Variants in GRB10 observed in about 807,000 individuals in gnomAD.
GRB10 encodes growth factor receptor-bound protein 10.
In GRB10, 20 loss-of-function variants were observed where a neutral mutation model predicts 80.9. The observed-to-expected ratio is 0.25, with a 90% CI of 0.17 to 0.36. GRB10 has a LOEUF of 0.36. Among genes scored for constraint, GRB10 ranks in the 10% least tolerant of loss-of-function variants. The pLI is 1.00. For missense variants in GRB10, 548 were observed against 747.7 expected (o/e 0.73, Z 3.12); for synonymous variants, 291 against 291.5 (o/e 1.00, Z 0.02).
intron 9 of GRB10, among the ~76,000 whole-genome samples, 169 bp from the exon 10 acceptor site, chr7:50,618,308 C>T (rs2153582318): frequency 6.6e-6 from 1 of 152,334 alleles, no homozygotes; most frequent in Non-Finnish European, 1.5e-5. Context: ...GAAACACCTC[C>T]TTCAAAAGGT....
chr7:50,773,463 GAAGGCA>G (rs2077222737), intron 2 of GRB10, among the ~76,000 whole-genome samples: 1 of 10,716 alleles, frequency 9.3e-5, no homozygotes, highest in South Asian at 4.0e-3. Flanking sequence ...GAGGGGAGGG[GAAGGCA>G]GGGGAGGGGA....
intron 18 of GRB10, among the ~76,000 whole-genome samples, chr7:50,595,142 C>T (rs1212479265): frequency 1.3e-5 from 2 of 152,278 alleles, no homozygotes; most frequent in Middle Eastern, 3.4e-3. Flanking sequence ...TTCTCCTCCA[C>T]CTCCCCTTCC....
intron 7 of GRB10, among the ~76,000 whole-genome samples, chr7:50,644,873 G>C (rs1292697626): frequency 1.3e-5 from 2 of 152,216 alleles, no homozygotes. Context: ...GGCTGGGTAT[G>C]GGATGGGCGG....
chr7:50,792,999 G>C (rs1258695032), intron 1 of GRB10: 4 of 140,804 alleles, frequency 2.8e-5, no homozygotes, highest in African/African-American at 5.1e-5. Flanking sequence ...CGCAGCCCCA[G>C]TCCCGCCTCC....
chr7:50,720,167 A>G (rs951129079), intron 4 of GRB10, among the ~76,000 whole-genome samples: 2 of 152,216 alleles, frequency 1.3e-5, no homozygotes, highest in African/African-American at 4.8e-5. Context: ...AAAACTAAAT[A>G]CAAGCTAAAT....
At chr7:50,710,772 C>T in intron 4 of GRB10, 1 of 1,296,880 alleles carries the variant, frequency 7.7e-7, no homozygotes, top group Non-Finnish European at 1.1e-6. Flanking sequence ...GGCAGAACGA[C>T]CACTTCATAG....
chr7:50,672,686 C>A (rs1402569607), intron 6 of GRB10, among the ~76,000 whole-genome samples: 1 of 152,150 alleles, frequency 6.6e-6, no homozygotes, highest in East Asian at 1.9e-4. Flanking sequence ...GTTCAAGGGT[C>A]CTGGGCAACT....
rs532306232 is a variant in GRB10 at position 50,687,977 on chromosome 7, C to T, written c.140-13319G>A. Among the ~76,000 whole-genome samples the T allele has an allele frequency of 1.6e-4, 25 of 152,328 alleles. No homozygotes were observed. In the South Asian group the frequency reaches 5.2e-3, roughly 32 times the overall value. The stretch of plus-strand genomic sequence containing the variant: ...TCTGTTCTGCTCAATGCAGTGTATG[C>T]TGGTGAAAAAGAGTGGTTCAGATTG... On this transcript the variant is annotated intron_variant, in intron 5 of 18. Coordinates refer to ENST00000401949, the MANE Select transcript of GRB10 (RefSeq NM_001350814.2).
In GRB10 at chr7:50,703,832, G is replaced by A. The variant is rs989071667; in HGVS notation, c.128C>T (p.Ala43Val). The change falls in exon 5 of 19, where the codon GCG becomes GTG. Residue 43 changes from alanine (A) to valine (V), a missense_variant. This residue lies in a region of GRB10 where 245 missense variants were observed against 229.3 expected (regional missense o/e 1.07). Coordinates refer to ENST00000401949, the MANE Select transcript of GRB10 (RefSeq NM_001350814.2). The part of the protein sequence containing the change: ...PGLPAQSDRL[A>V]NHQEDDVDLE... The stretch of plus-strand genomic sequence containing the variant: ...TGCTCATTCCTTACCCTGGTGATTC[G>A]CAAGTCGGTCAGACTGTGCGGGGAG... 8.7e-6 allele frequency: 14 copies of A among 1,612,150 alleles called. No individual in the cohort carries two copies. The Middle Eastern group carries it at 4.9e-4, about 57-fold the overall frequency.
chr7:50,646,870 C>G (rs1259388585), intron 7 of GRB10, among the ~76,000 whole-genome samples: 1 of 152,160 alleles, frequency 6.6e-6, no homozygotes, highest in Non-Finnish European at 1.5e-5. Context: ...CTTAACCAGC[C>G]CTGCTGCTAC....
intron 6 of GRB10, 79 bp downstream of exon 6, chr7:50,674,357 A>G (rs973217905): frequency 7.2e-7 from 1 of 1,383,638 alleles, no homozygotes; most frequent in South Asian, 1.2e-5. Context: ...CCCCAACACC[A>G]TTTAACTCAC....
chr7:50,780,925 C>G (rs4947873), intron 1 of GRB10, 189 bp from the exon 2 acceptor site: 127,210 of 152,110 alleles, frequency 0.84, 53,322 homozygotes, highest in Middle Eastern at 0.91. Flanking sequence ...AGTGTTCTCT[C>G]GAAGTTTGGA....
intron 7 of GRB10, among the ~76,000 whole-genome samples, chr7:50,648,856 C>T (rs979728541): frequency 2.0e-5 from 3 of 152,160 alleles, no homozygotes; most frequent in South Asian, 2.1e-4. Context: ...TAGGAGAGGA[C>T]AAAGTAAATA....
At chr7:50,659,457 T>C (rs1044659612) in intron 7 of GRB10, among the ~76,000 whole-genome samples, 1 of 152,056 alleles carries the variant, frequency 6.6e-6, no homozygotes, top group African/African-American at 2.4e-5. Context: ...CTGGCCACCC[T>C]GCTGTTAAAG....
intron 4 of GRB10, among the ~76,000 whole-genome samples, chr7:50,707,686 GACTACATTC>G (rs2065231179): frequency 6.6e-6 from 1 of 152,198 alleles, no homozygotes; most frequent in South Asian, 2.1e-4. Context: ...AGCACTGAGA[GACTACATTC>G]AGAAGACATG....
intron 5 of GRB10, among the ~76,000 whole-genome samples, chr7:50,680,570 A>C (rs1370909616): frequency 6.6e-6 from 1 of 152,204 alleles, no homozygotes; most frequent in Non-Finnish European, 1.5e-5. Flanking sequence ...GAGACTCAGA[A>C]GTCTCCACTC....
At chr7:50,638,199 T>C (rs533826016) in intron 7 of GRB10, among the ~76,000 whole-genome samples, 3 of 152,314 alleles carry the variant, frequency 2.0e-5, no homozygotes, top group Admixed American at 6.5e-5. Flanking sequence ...GAAAAAACTT[T>C]TGGAGTTTGG....
intron 1 of GRB10, among the ~76,000 whole-genome samples, chr7:50,781,905 C>T (rs1043313477): frequency 6.6e-6 from 1 of 152,220 alleles, no homozygotes; most frequent in African/African-American, 2.4e-5. Flanking sequence ...AAAGAGGCAA[C>T]GTTGACTATA....
At chr7:50,660,216 A>T (rs2059107092) in intron 7 of GRB10, among the ~76,000 whole-genome samples, 1 of 152,116 alleles carries the variant, frequency 6.6e-6, no homozygotes. Flanking sequence ...CCGCGTCCAC[A>T]GGGGAAGTGG....
Sources: allele counts gnomAD v4.1 joint callset (sites outside exome capture counted in the v4.1 genomes callset), GRCh38; gene constraint gnomAD v4.1.1; regional missense constraint gnomAD v4.1.1; transcripts MANE v1.5; gene names NCBI Gene and HGNC (gene_info 2026-07-23, HGNC 2026-07-21).